Variants in XPO4 observed in about 807,000 individuals in gnomAD.
XPO4 encodes the protein exportin-4.
XPO4 carries 39 observed loss-of-function variants against 143.0 expected under a neutral mutation model. The ratio of observed to expected loss-of-function variants is 0.27; its 90% CI spans 0.21 to 0.36. XPO4 has a LOEUF of 0.36. Ranked by LOEUF, XPO4 falls within the 10% of genes least tolerant of loss-of-function variation. The probability of loss-of-function intolerance (pLI) is 1.00; values close to 1 mark genes in which losing one functional copy is unlikely to be tolerated. For missense variants in XPO4, 907 were observed against 1,348.0 expected (o/e 0.67, Z 5.12); for synonymous variants, 439 against 474.0 (o/e 0.93, Z 0.96).
At chr13:20,809,297 A>G in intron 10 of XPO4, 72 bp from the exon 11 acceptor site, 1 of 1,543,016 alleles carries the variant, frequency 6.5e-7, no homozygotes, top group East Asian at 2.3e-5. Flanking sequence ...GTGGCTCCAT[A>G]ACATAGCTTA....
At chr13:20,893,149 A>C (rs2060534545) in intron 1 of XPO4, among the ~76,000 whole-genome samples, 1 of 152,196 alleles carries the variant, frequency 6.6e-6, no homozygotes, top group Non-Finnish European at 1.5e-5. Context: ...GAGTCAACAG[A>C]AGCTGGAAAG....
chr13:20,807,987 T>A (rs1171979596), intron 12 of XPO4, among the ~76,000 whole-genome samples: 1 of 152,154 alleles, frequency 6.6e-6, no homozygotes, highest in Non-Finnish European at 1.5e-5. Context: ...AAGTCAAGAT[T>A]TTTTGCTTAT....
In XPO4 at chr13:20,783,903, A is replaced by C. The variant is rs946250170; in HGVS notation, c.3275T>G (p.Leu1092Arg). The change falls in exon 23 of 23, where the codon CTG becomes CGG. Residue 1092 changes from leucine (L) to arginine (R), a missense_variant. Physicochemically the swap from Leu to Arg is moderately radical, Grantham distance 102 (BLOSUM62 -2). Coordinates refer to ENST00000255305, the MANE Select transcript of XPO4 (RefSeq NM_022459.5). ...VCLHQAEYSE[L>R]VETLLSSQQD... ...CTGACTTGATAGTAATGTTTCGACC[A>C]GTTCAGAATATTCAGCCTATTGAAG... 2 of 1,614,214 alleles carry C rather than the reference A, an allele frequency of 1.2e-6. No homozygotes were observed. Among genetic ancestry groups the C allele is most frequent in the Non-Finnish European group, 1.7e-6 (2 of 1,180,032 alleles).
chr13:20,785,580 G>T (rs576480869), intron 22 of XPO4, among the ~76,000 whole-genome samples: 1 of 151,824 alleles, frequency 6.6e-6, no homozygotes, highest in Non-Finnish European at 1.5e-5. Flanking sequence ...CGGGAGGATT[G>T]CTTGAGGCCA....
chr13:20,858,654 G>C (rs2060167327), intron 3 of XPO4, among the ~76,000 whole-genome samples: 1 of 152,080 alleles, frequency 6.6e-6, no homozygotes, highest in Non-Finnish European at 1.5e-5. Context: ...GGCGGATCAT[G>C]AGGTCATGAG....
intron 21 of XPO4, 148 bp from the exon 22 acceptor site, chr13:20,787,205 T>C: frequency 2.6e-6 from 2 of 757,288 alleles, no homozygotes; most frequent in South Asian, 2.0e-5. Context: ...TTAAAAAAAA[T>C]ACCTTACAGA....
intron 1 of XPO4, among the ~76,000 whole-genome samples, chr13:20,893,884 C>A (rs1269891174): frequency 2.0e-5 from 3 of 152,084 alleles, no homozygotes; most frequent in African/African-American, 7.2e-5. Context: ...GCTCTTGTTG[C>A]CCAGGCTGGA....
At position 20,803,191 on chromosome 13, in the gene XPO4, T is replaced by G. The variant is rs1474887093; in HGVS notation, c.1818-2201A>C. On this transcript the variant is annotated intron_variant, in intron 13 of 22. Transcript: ENST00000255305. This position sits in a 1 kb window ranked among gnomAD's most constrained non-coding sequence, Gnocchi z 4.1. ...CACAGAGATCTACCAACAAAAATTA[T>G]TTTTAATCATCTCTTGGTTGATGTG... is the stretch of plus-strand genomic sequence containing the variant. Among the ~76,000 whole-genome samples the G allele has an allele frequency of 6.6e-6, 1 of 152,220 alleles. No individual in the cohort carries two copies. The highest frequency in any genetic ancestry group is 1.5e-5 in the Non-Finnish European group (1 of 68,040).
intron 1 of XPO4, among the ~76,000 whole-genome samples, chr13:20,897,176 C>G (rs751679325): frequency 2.0e-5 from 3 of 152,048 alleles, no homozygotes; most frequent in Non-Finnish European, 4.4e-5. Context: ...ATGCATCTTT[C>G]AAATAAGAAA....
intron 1 of XPO4, among the ~76,000 whole-genome samples, chr13:20,899,464 T>C (rs1348113318): frequency 6.6e-6 from 1 of 152,158 alleles, no homozygotes; most frequent in Non-Finnish European, 1.5e-5. Context: ...TCTACCTCTT[T>C]GAACCTCAGT....
At chr13:20,793,887 T>C (rs1438013511) in intron 18 of XPO4, among the ~76,000 whole-genome samples, 4 of 152,144 alleles carry the variant, frequency 2.6e-5, no homozygotes, top group Non-Finnish European at 5.9e-5. Context: ...ATTATGTTAC[T>C]CAAAGAAAAA....
chr13:20,789,910 GTTGCC>G (rs2059257683), intron 19 of XPO4, among the ~76,000 whole-genome samples: 1 of 151,542 alleles, frequency 6.6e-6, no homozygotes, highest in South Asian at 2.1e-4. Context: ...GTAGAAAAAA[GTTGCC>G]TCACCGCCAC....
chr13:20,876,752 G>A (rs1211219753), intron 1 of XPO4, among the ~76,000 whole-genome samples: 1 of 152,198 alleles, frequency 6.6e-6, no homozygotes, highest in Admixed American at 6.5e-5. Flanking sequence ...AATGTGTCCA[G>A]AACTTATTCT....
At chr13:20,830,515 C>A (rs551615025) in intron 6 of XPO4, among the ~76,000 whole-genome samples, 1 of 152,132 alleles carries the variant, frequency 6.6e-6, no homozygotes, top group Admixed American at 6.6e-5. Flanking sequence ...CTATTATATA[C>A]CATAATAAAA....
intron 3 of XPO4, among the ~76,000 whole-genome samples, chr13:20,860,105 G>C (rs1429731949): frequency 6.6e-6 from 1 of 152,178 alleles, no homozygotes; most frequent in Admixed American, 6.5e-5. Context: ...ACTGTGCTCA[G>C]AACAATCTCA....
rs1485434201 is a variant in XPO4 at position 20,902,724 on chromosome 13, C to A, written c.15G>T (p.Ala5=). 5.1e-6 allele frequency: 8 copies of A among 1,556,062 alleles called. No individual in the cohort carries two copies. Among genetic ancestry groups the A allele is most frequent in the Non-Finnish European group, 7.0e-6 (8 of 1,149,988 alleles). Residue 5 remains alanine, a synonymous_variant, in exon 1 of 23, where the codon GCG becomes GCT. Transcript: ENST00000255305. ...GAGCGATCACTTCTGGGGGCCCCAGCGCCGCCGCCATCATGGTCTCTCTTC... is the reference window on the plus strand; with the variant it reads ...GAGCGATCACTTCTGGGGGCCCCAGAGCCGCCGCCATCATGGTCTCTCTTC... MMAA[A]LGPPEVIAQL... is the part of the protein sequence containing the mutation.
intron 6 of XPO4, among the ~76,000 whole-genome samples, chr13:20,834,431 GCAT>G (rs1267318851): frequency 6.6e-6 from 1 of 150,630 alleles, no homozygotes; most frequent in Non-Finnish European, 1.5e-5. Flanking sequence ...AATCAGCCAG[GCAT>G]CATGATGCGT....
chr13:20,844,614 A>G (rs1308642002), intron 4 of XPO4, among the ~76,000 whole-genome samples: 1 of 152,230 alleles, frequency 6.6e-6, no homozygotes, highest in East Asian at 1.9e-4. Flanking sequence ...TCAAGATGAT[A>G]CTATTTATGC....
chr13:20,868,242 C>T (rs2060261781), intron 2 of XPO4, among the ~76,000 whole-genome samples: 1 of 150,370 alleles, frequency 6.7e-6, no homozygotes, highest in African/African-American at 2.4e-5. Context: ...AATTTTAAAA[C>T]TAAGACTGGG....
Sources: allele counts gnomAD v4.1 joint callset (sites outside exome capture counted in the v4.1 genomes callset), GRCh38; gene constraint gnomAD v4.1.1; non-coding constraint Gnocchi (gnomAD v3.1); transcripts MANE v1.5; gene names NCBI Gene and HGNC (gene_info 2026-07-23, HGNC 2026-07-21).